The following DPH6 variants were observed in gnomAD, a reference collection of about 807,000 sequenced individuals.
DPH6 encodes the protein diphthine--ammonia ligase.
In DPH6, 33 loss-of-function variants were observed where a neutral mutation model predicts 38.2. The ratio of observed to expected loss-of-function variants is 0.86; its 90% CI spans 0.65 to 1.15. DPH6 has a LOEUF of 1.15. Ranked by LOEUF, DPH6 falls within the 50% of genes most tolerant of loss-of-function variation. DPH6 has a pLI of 0.00. For missense variants in DPH6, 325 were observed against 320.0 expected, an observed-to-expected ratio of 1.02 and a Z score of -0.12; for synonymous variants, 108 against 103.0, an observed-to-expected ratio of 1.05 and a Z score of -0.30.
rs968230432 is a variant in DPH6, at chr15:35,517,482, T to C, written c.312+20792A>G. On this transcript the variant is annotated intron_variant, in intron 3 of 8. Transcript: ENST00000256538. ...ATCTTGTCAGTCTTGTAAGCCAGAATGTAATTTTAAACATATTTCTTACTG... is the reference window on the plus strand; with the variant it reads ...ATCTTGTCAGTCTTGTAAGCCAGAACGTAATTTTAAACATATTTCTTACTG... 2.0e-5 allele frequency among the ~76,000 whole-genome samples: 3 copies of C among 152,130 alleles called. 1 individual carries two copies. Among genetic ancestry groups the C allele is most frequent in the African/African-American group, 7.2e-5 (3 of 41,438 alleles).
At chr15:35,222,909 T>C (rs1293779832) in intron 3 of DPH6, among the ~76,000 whole-genome samples, 3 of 152,152 alleles carry the variant, frequency 2.0e-5, no homozygotes, top group African/African-American at 7.2e-5. Context: ...TTAATCTTCG[T>C]AGCTATCTTA....
At chr15:35,438,166 T>C (rs2053741029) in intron 5 of DPH6, among the ~76,000 whole-genome samples, 1 of 152,234 alleles carries the variant, frequency 6.6e-6, no homozygotes, top group African/African-American at 2.4e-5. Context: ...ATCTCGTTTT[T>C]CTGGAAAAAG....
In DPH6 at chr15:35,538,435, G is replaced by A. The variant is rs773489733; in HGVS notation, c.151C>T (p.Gln51Ter). Residue 51 changes from glutamine (Q) to a stop codon, truncating the protein, a stop_gained, in exon 3 of 9, where the codon CAG becomes TAG. Coordinates refer to ENST00000256538, the MANE Select transcript of DPH6 (RefSeq NM_080650.4). LOFTEE classifies it high-confidence loss of function. ...GSDELDSYMY[Q>*]TVGHHAIDLY... ...TCAATGGCATGGTGCCCCACTGTCT[G>A]ATACATGTAGCTATCCAGTTCATCA... The A allele has an allele frequency of 1.1e-5, 17 of 1,584,026 alleles. No homozygotes were observed. The highest frequency in any genetic ancestry group is 1.7e-5 in the Admixed American group (1 of 59,558).
intron 3 of DPH6, among the ~76,000 whole-genome samples, chr15:35,268,052 C>T (rs1169194359): frequency 1.3e-5 from 2 of 151,940 alleles, no homozygotes; most frequent in Non-Finnish European, 2.9e-5. Context: ...CGCCTGTAGT[C>T]CCTGCTACTC....
At chr15:35,321,226 A>G (rs1379535830) in intron 3 of DPH6, among the ~76,000 whole-genome samples, 1 of 152,262 alleles carries the variant, frequency 6.6e-6, no homozygotes, top group Admixed American at 6.5e-5. Context: ...AGGTTAAACT[A>G]TGAACTAAAT....
intron 3 of DPH6, among the ~76,000 whole-genome samples, chr15:35,271,200 C>T (rs2051820071): frequency 6.6e-6 from 1 of 152,154 alleles, no homozygotes; most frequent in African/African-American, 2.4e-5. Context: ...AAACCTCTGA[C>T]AGTTCCCATA....
At chr15:35,455,400 C>G (rs2053983715) in intron 3 of DPH6, among the ~76,000 whole-genome samples, 1 of 152,116 alleles carries the variant, frequency 6.6e-6, no homozygotes, top group African/African-American at 2.4e-5. Flanking sequence ...CAACTGAGAG[C>G]ATCCAGCAGT....
the DPH6 span, among the ~76,000 whole-genome samples, chr15:35,163,497 G>A: frequency 6.6e-6 from 1 of 151,834 alleles, no homozygotes; most frequent in African/African-American, 2.4e-5. Context: ...TCATTCCGCT[G>A]TAAAAATGTA....
At chr15:35,186,547 C>T in the DPH6 span, among the ~76,000 whole-genome samples, 11 of 152,308 alleles carry the variant, frequency 7.2e-5, no homozygotes, top group African/African-American at 2.6e-4. Context: ...ATTTAGGCTG[C>T]TAGCTCTTCT....
At chr15:35,259,414 C>T (rs1311848902) in intron 3 of DPH6, among the ~76,000 whole-genome samples, 3 of 152,068 alleles carry the variant, frequency 2.0e-5, no homozygotes, top group Non-Finnish European at 4.4e-5. Flanking sequence ...TCACGCAAAC[C>T]TAATCATATA....
At position 35,450,671 on chromosome 15, in the gene DPH6, G is replaced by C. The variant is rs1216990299; in HGVS notation, c.505+14C>G. The C allele has an allele frequency of 1.2e-6, 2 of 1,600,136 alleles. No individual in the cohort carries two copies. The highest frequency in any genetic ancestry group is 2.7e-5 in the African/African-American group (2 of 74,632). ...GTGGCAACAAACAGCTCCCTTGATAGTTTGGCTGCATACCCAAAGCTGCTA... is the reference window on the plus strand; with the variant it reads ...GTGGCAACAAACAGCTCCCTTGATACTTTGGCTGCATACCCAAAGCTGCTA... On this transcript the variant is annotated intron_variant, in intron 5 of 8. Transcript: ENST00000256538.
intron 6 of DPH6, among the ~76,000 whole-genome samples, chr15:35,407,184 C>T (rs955412376): frequency 1.3e-5 from 2 of 151,890 alleles, no homozygotes; most frequent in African/African-American, 4.8e-5. Context: ...TTACCTCGTG[C>T]TTGTTTAAAG....
intron 7 of DPH6, among the ~76,000 whole-genome samples, chr15:35,380,942 T>C (rs1279935185): frequency 6.6e-6 from 1 of 152,180 alleles, no homozygotes; most frequent in East Asian, 1.9e-4. Context: ...ATTAGAAGAA[T>C]ATGAAAGCAA....
chr15:35,363,756 AT>A (rs1362801695), intron 3 of DPH6, among the ~76,000 whole-genome samples: 2 of 150,740 alleles, frequency 1.3e-5, no homozygotes, highest in African/African-American at 2.4e-5. Context: ...TCATTATTCT[AT>A]TTTTTCGTAC....
intron 3 of DPH6, chr15:35,520,838 A>G: frequency 4.1e-6 from 4 of 985,040 alleles, no homozygotes; most frequent in Non-Finnish European, 4.8e-6. Context: ...TAATACAGGT[A>G]CCATAATAAA....
chr15:35,418,547 A>T (rs1247332417), intron 5 of DPH6, among the ~76,000 whole-genome samples: 1 of 152,146 alleles, frequency 6.6e-6, no homozygotes, highest in East Asian at 1.9e-4. Flanking sequence ...TAGGAGGAAG[A>T]ACCATAATTT....
downstream of DPH6, chr15:35,217,228 G>C (rs763711929): frequency 7.9e-5 from 12 of 152,112 alleles, no homozygotes; most frequent in Admixed American, 2.0e-4. Flanking sequence ...TGAAGTATAA[G>C]CAAAAATTTA....
At chr15:35,187,805 G>C in the DPH6 span, among the ~76,000 whole-genome samples, 10 of 151,998 alleles carry the variant, frequency 6.6e-5, no homozygotes, top group African/African-American at 2.4e-4. Flanking sequence ...TGCCAACATA[G>C]AGAGACCCTG....
In DPH6 at chr15:35,476,940, C is replaced by G. The variant is rs189490708; in HGVS notation, c.313-22120G>C. 6.9e-3 allele frequency among the ~76,000 whole-genome samples: 1,047 copies of G among 151,860 alleles called. 7 individuals are homozygous for G. Among genetic ancestry groups the G allele is most frequent in the Non-Finnish European group, 0.012 (786 of 67,704 alleles). ...ATTTTCTTTCCATGGAAACCACTAA[C>G]ATTTTCTGCTCTAAAAATGAACACA... is the stretch of plus-strand genomic sequence containing the variant. On this transcript the variant is annotated intron_variant, in intron 3 of 8. Coordinates refer to ENST00000256538, the MANE Select transcript of DPH6 (RefSeq NM_080650.4).
Sources: gnomAD v4.1 joint callset for allele counts (sites outside exome capture counted in the v4.1 genomes callset) on GRCh38, gnomAD v4.1.1 for gene constraint, MANE v1.5 for transcripts, NCBI Gene and HGNC (gene_info 2026-07-23, HGNC 2026-07-21) for gene names.